The following ASCC3 variants were observed in gnomAD, a reference collection of about 807,000 sequenced individuals.
ASCC3 encodes ASC-1 complex subunit P200.
Under a neutral mutation model 256.3 loss-of-function variants are expected in ASCC3, and 158 were observed. The observed-to-expected ratio is 0.62, with a 90% CI of 0.54 to 0.70. The LOEUF is 0.70. Among genes scored for constraint, ASCC3 ranks in the 30% least tolerant of loss-of-function variants. ASCC3 has a pLI of 0.00. For missense variants in ASCC3, 2,259 were observed against 2,626.0 expected, an observed-to-expected ratio of 0.86 and a Z score of 3.05; for synonymous variants, 948 against 883.4, an observed-to-expected ratio of 1.07 and a Z score of -1.30.
chr6:100,577,268 T>G (rs1256335466), intron 36 of ASCC3, among the ~76,000 whole-genome samples: 1 of 152,036 alleles, frequency 6.6e-6, no homozygotes, highest in African/African-American at 2.4e-5. Flanking sequence ...TGGCCTATAT[T>G]ATATCTGTCA....
chr6:100,703,720 A>C (rs944806509), intron 13 of ASCC3, among the ~76,000 whole-genome samples: 1 of 151,906 alleles, frequency 6.6e-6, no homozygotes, highest in African/African-American at 2.4e-5. Flanking sequence ...ACTTTCAACT[A>C]TCTGGCATTT....
chr6:100,509,794 A>T, intron 41 of ASCC3, 138 bp downstream of exon 41: 1 of 872,436 alleles, frequency 1.1e-6, no homozygotes. Flanking sequence ...AGGCTGAGGC[A>T]GGAGAATGGC....
chr6:100,763,820 G>A (rs1451677298), intron 10 of ASCC3, among the ~76,000 whole-genome samples: 1 of 152,080 alleles, frequency 6.6e-6, no homozygotes, highest in Non-Finnish European at 1.5e-5. Flanking sequence ...CACTCTCATT[G>A]GCAGGGCTGC....
At chr6:100,735,882 G>A (rs907246416) in intron 10 of ASCC3, among the ~76,000 whole-genome samples, 1 of 152,096 alleles carries the variant, frequency 6.6e-6, no homozygotes, top group African/African-American at 2.4e-5. Flanking sequence ...ATATTTAGGT[G>A]GCTTTTCTCA....
Position 100,644,041 on chromosome 6 carries a change from A to G in ASCC3, c.3722T>C (p.Leu1241Pro). Residue 1241 changes from leucine to proline, a missense_variant, in exon 23 of 42, where the codon CTA (leucine) becomes CCA (proline). This residue lies in a region of ASCC3 where 1,839 missense variants were observed against 2,206.7 expected (regional missense o/e 0.83). Coordinates refer to ENST00000369162, the MANE Select transcript of ASCC3 (RefSeq NM_006828.4). Reference protein sequence around the residue: ...HIYHSEYFLALKKQVISKEAQ... With the variant: ...HIYHSEYFLAPKKQVISKEAQ... ...CATATATACACTTACTTGTTTTTTT[A>G]GAGCTAGAAAATACTCTGAATGATA... 3.1e-6 allele frequency: 5 copies of G among 1,609,074 alleles called. No homozygotes were observed. Among genetic ancestry groups the G allele is most frequent in the Non-Finnish European group, 4.3e-6 (5 of 1,176,174 alleles).
At chr6:100,878,646 C>T (rs760752219) in intron 1 of ASCC3, among the ~76,000 whole-genome samples, 3 of 152,180 alleles carry the variant, frequency 2.0e-5, no homozygotes, top group Non-Finnish European at 4.4e-5. Context: ...GGGCCTAGCA[C>T]AGATTATGTC....
intron 36 of ASCC3, among the ~76,000 whole-genome samples, chr6:100,554,182 T>A (rs1184254184): frequency 1.3e-5 from 2 of 152,158 alleles, no homozygotes; most frequent in Non-Finnish European, 2.9e-5. Context: ...ATACTTAAAA[T>A]CTACTTTGAC....
At chr6:100,688,629 T>G (rs1485817136) in intron 13 of ASCC3, among the ~76,000 whole-genome samples, 1 of 152,210 alleles carries the variant, frequency 6.6e-6, no homozygotes, top group Non-Finnish European at 1.5e-5. Flanking sequence ...CTCTCTTAAG[T>G]GTTTATCACT....
chr6:100,559,169 G>A (rs1295389790), intron 36 of ASCC3, among the ~76,000 whole-genome samples: 12 of 152,042 alleles, frequency 7.9e-5, no homozygotes, highest in Admixed American at 7.9e-4. Flanking sequence ...TTTCAATAGG[G>A]CATTCACTAC....
intron 36 of ASCC3, among the ~76,000 whole-genome samples, chr6:100,551,910 G>A (rs570472702): frequency 6.6e-6 from 1 of 151,990 alleles, no homozygotes; most frequent in East Asian, 1.9e-4. Flanking sequence ...GATCTCTAGG[G>A]TGGGCATGGT....
chr6:100,718,172 A>G lies in ASCC3; in HGVS notation c.1982T>C (p.Leu661Ser). The G allele has an allele frequency of 6.2e-7, 1 of 1,613,754 alleles. No individual in the cohort carries two copies. Among genetic ancestry groups the G allele is most frequent in the Non-Finnish European group, 8.5e-7 (1 of 1,179,748 alleles). Residue 661 changes from leucine to serine, a missense_variant, in exon 12 of 42, where the codon TTA becomes TCA. Leu to Ser is a moderately radical substitution (Grantham distance 145). Transcript: ENST00000369162. Reference sequence around the variant, plus strand: ...AAGTCCAATGTATGGATTAACATGTAAAAATGTGGCAACATCGAGGTAGTT... The same window carrying G: ...AAGTCCAATGTATGGATTAACATGTGAAAATGTGGCAACATCGAGGTAGTT... ...LPNYLDVATF[L>S]HVNPYIGLFF...
chr6:100,535,864 A>T (rs1775135044), intron 37 of ASCC3, among the ~76,000 whole-genome samples: 1 of 152,216 alleles, frequency 6.6e-6, no homozygotes, highest in African/African-American at 2.4e-5. Flanking sequence ...AATGCTTATA[A>T]CTTAAAATCG....
At chr6:100,817,437 T>C (rs1770808058) in intron 4 of ASCC3, among the ~76,000 whole-genome samples, 1 of 151,116 alleles carries the variant, frequency 6.6e-6, no homozygotes, top group Admixed American at 6.6e-5. Context: ...GAGCAAAAAG[T>C]AAATGAAATC....
intron 8 of ASCC3, among the ~76,000 whole-genome samples, chr6:100,784,953 G>A (rs1306549058): frequency 6.6e-6 from 1 of 151,798 alleles, no homozygotes; most frequent in Non-Finnish European, 1.5e-5. Context: ...TTTTCATTCT[G>A]TAATATAGAG....
chr6:100,871,472 A>G (rs1268789940), intron 1 of ASCC3, among the ~76,000 whole-genome samples: 1 of 152,194 alleles, frequency 6.6e-6, no homozygotes, highest in Non-Finnish European at 1.5e-5. Flanking sequence ...TCTATTAAGA[A>G]ATCCATGGAC....
intron 4 of ASCC3, among the ~76,000 whole-genome samples, chr6:100,818,748 CAAAAAAA>C (rs56668191): frequency 0.011 from 623 of 58,198 alleles, 8 homozygotes; most frequent in African/African-American, 0.046. Context: ...AGGCAAAAGC[CAAAAAAA>C]AAAAAAAAAA....
chr6:100,597,345 T>C (rs1333287728), intron 34 of ASCC3, among the ~76,000 whole-genome samples: 1 of 152,176 alleles, frequency 6.6e-6, no homozygotes, highest in African/African-American at 2.4e-5. Context: ...TGGAACATAG[T>C]AGGTACTCAA....
intron 37 of ASCC3, among the ~76,000 whole-genome samples, chr6:100,528,779 C>A (rs1774720947): frequency 1.3e-5 from 2 of 152,172 alleles, no homozygotes; most frequent in Non-Finnish European, 2.9e-5. Context: ...CTTTCAGGCA[C>A]ACTGAATCAC....
At chr6:100,547,983 G>A (rs1769069833) in intron 36 of ASCC3, among the ~76,000 whole-genome samples, 1 of 151,470 alleles carries the variant, frequency 6.6e-6, no homozygotes, top group Non-Finnish European at 1.5e-5. Flanking sequence ...AATGATTGAT[G>A]TTTGCCAGAA....
Sources: gnomAD v4.1 joint callset for allele counts (sites outside exome capture counted in the v4.1 genomes callset) on GRCh38, gnomAD v4.1.1 for gene constraint, gnomAD v4.1.1 regional missense constraint, MANE v1.5 for transcripts, NCBI Gene and HGNC (gene_info 2026-07-23, HGNC 2026-07-21) for gene names.